The following SLC1A2 variants were observed in gnomAD, a reference collection of about 807,000 sequenced individuals.
The protein encoded by SLC1A2 is excitatory amino acid transporter 2.
In SLC1A2, 15 loss-of-function variants were observed where a neutral mutation model predicts 48.8. The ratio of observed to expected loss-of-function variants is 0.31; its 90% CI spans 0.21 to 0.47. The LOEUF (loss-of-function observed/expected upper bound fraction) is 0.47. Among genes scored for constraint, SLC1A2 ranks in the 20% least tolerant of loss-of-function variants. The pLI is 0.99. For synonymous variants in SLC1A2, 279 were observed against 272.6 expected, an observed-to-expected ratio of 1.02 and a Z score of -0.23; for missense variants, 502 against 730.5, an observed-to-expected ratio of 0.69 and a Z score of 3.61.
intron 1 of SLC1A2, among the ~76,000 whole-genome samples, chr11:35,362,181 T>C (rs1853705709): frequency 6.6e-6 from 1 of 152,192 alleles, no homozygotes; most frequent in African/African-American, 2.4e-5. Flanking sequence ...ATGTTTTGCA[T>C]GTGGCCTGAT....
chr11:35,382,731 G>A (rs945365952), intron 1 of SLC1A2, among the ~76,000 whole-genome samples: 8 of 152,088 alleles, frequency 5.3e-5, no homozygotes, highest in African/African-American at 1.9e-4. Flanking sequence ...AGGAGGCAGA[G>A]GTTGCAGTGA....
At chr11:35,326,985 A>C (rs7102331) in intron 1 of SLC1A2, among the ~76,000 whole-genome samples, 110,743 of 152,126 alleles carry the variant, frequency 0.73, 40,513 homozygotes, top group East Asian at 0.83. Context: ...GGACAGAACC[A>C]TATCTGGAAG....
At chr11:35,373,072 A>C (rs984203220) in intron 1 of SLC1A2, among the ~76,000 whole-genome samples, 3 of 152,202 alleles carry the variant, frequency 2.0e-5, no homozygotes, top group Non-Finnish European at 4.4e-5. Context: ...TGTACAACCC[A>C]GGGATCCACA....
chr11:35,387,201 G>T (rs1377365810), intron 1 of SLC1A2, among the ~76,000 whole-genome samples: 1 of 152,168 alleles, frequency 6.6e-6, no homozygotes, highest in Admixed American at 6.5e-5. Context: ...GTGTGGGAGA[G>T]AATTACCTAA....
At chr11:35,389,116 A>T (rs1443151560) in intron 1 of SLC1A2, among the ~76,000 whole-genome samples, 1 of 151,442 alleles carries the variant, frequency 6.6e-6, no homozygotes, top group Non-Finnish European at 1.5e-5. Flanking sequence ...AAACCTAAAT[A>T]TGTAGATGAC....
chr11:35,346,205 C>T lies in SLC1A2; in HGVS notation c.18-28689G>A, dbSNP rs543127639. ...TATTTCTCCTAATGCTATCCCTCCC[C>T]TAGACCCATGTTCTTAATGCATCTT... On this transcript the variant is annotated intron_variant, in intron 1 of 10. Transcript: ENST00000278379. Among the ~76,000 whole-genome samples, 6 of 152,340 alleles carry T rather than the reference C, an allele frequency of 3.9e-5. No individual in the cohort carries two copies. In the South Asian group the frequency reaches 1.2e-3, roughly 32 times the overall value.
At chr11:35,269,967 C>G (rs1403421486) in intron 9 of SLC1A2, among the ~76,000 whole-genome samples, 1 of 151,854 alleles carries the variant, frequency 6.6e-6, no homozygotes, top group African/African-American at 2.4e-5. Flanking sequence ...ATTAGCCAGG[C>G]GTGGTGGTGC....
intron 6 of SLC1A2, 86 bp downstream of exon 6, chr11:35,301,433 T>C: frequency 7.5e-7 from 1 of 1,334,318 alleles, no homozygotes; most frequent in Non-Finnish European, 1.0e-6. Context: ...ATGCCAACTT[T>C]TTCCTGCAGG....
At chr11:35,334,170 C>G (rs1187584674) in intron 1 of SLC1A2, among the ~76,000 whole-genome samples, 1 of 152,114 alleles carries the variant, frequency 6.6e-6, no homozygotes, top group Non-Finnish European at 1.5e-5. Context: ...CCCTTATTGT[C>G]TCCTTGACAC....
intron 1 of SLC1A2, among the ~76,000 whole-genome samples, chr11:35,387,017 G>T (rs1854603989): frequency 6.6e-6 from 1 of 151,934 alleles, no homozygotes; most frequent in Non-Finnish European, 1.5e-5. Flanking sequence ...CAATCCTCTT[G>T]CCTCAGCCTC....
rs1855705490 is a variant in SLC1A2, at chr11:35,419,184, C to G, written c.-218G>C. ...CCGCGTCCCGGCTCTCCACGGCGCG[C>G]GACCCGCGCTCCCCTCCGCCCGCGG... On this transcript the variant is annotated 5_prime_UTR_variant, in exon 1 of 11. Coordinates refer to ENST00000278379, the MANE Select transcript of SLC1A2 (RefSeq NM_004171.4). The surrounding 1 kb of genome is among the most constrained non-coding windows in gnomAD (Gnocchi z 5.4). 2.0e-5 allele frequency: 9 copies of G among 455,514 alleles called. No homozygotes were observed. The South Asian group carries it at 3.7e-4, about 19-fold the overall frequency. The allele number at this position is 455,514 out of a possible 1,614,324, so 28.2% of individuals were successfully genotyped here.
At chr11:35,376,607 A>T (rs1043221071) in intron 1 of SLC1A2, among the ~76,000 whole-genome samples, 4 of 152,204 alleles carry the variant, frequency 2.6e-5, no homozygotes, top group Non-Finnish European at 5.9e-5. Flanking sequence ...AAAAACCAAC[A>T]TGTTTATCTT....
Position 35,265,558 on chromosome 11 carries a change from G to T in SLC1A2, c.1622C>A (p.Ala541Glu). The change falls in exon 10 of 11, where the codon GCA (alanine) becomes GAA (glutamate). Residue 541 changes from alanine (A) to glutamate (E), a missense_variant. This residue lies in a region of SLC1A2 where 102 missense variants were observed against 107.2 expected (regional missense o/e 0.95). Transcript: ENST00000278379. ...TTCATCTACTATGACAGAGTTGTGTGCAGCATAGACACATTGATTAGAGTT... is the reference window on the plus strand; with the variant it reads ...TTCATCTACTATGACAGAGTTGTGTTCAGCATAGACACATTGATTAGAGTT... The part of the protein sequence containing the change: ...ESNSNQCVYA[A>E]HNSVIVDECK... 6.2e-7 allele frequency: 1 copy of T among 1,601,816 alleles called. No individual in the cohort carries two copies. The highest frequency in any genetic ancestry group is 8.6e-7 in the Non-Finnish European group (1 of 1,168,910).
intron 1 of SLC1A2, among the ~76,000 whole-genome samples, chr11:35,333,827 A>ATTTTTTTTTTTT (rs373988431): frequency 3.6e-4 from 46 of 126,162 alleles, no homozygotes; most frequent in Non-Finnish European, 5.3e-4. Context: ...ATGCCAGCTA[A>ATTTTTTTTTTTT]TTTTTTTTTT....
At position 35,257,103 on chromosome 11, in the gene SLC1A2, G is replaced by A. The variant is rs988782040; in HGVS notation, c.*3791C>T. 3.9e-5 allele frequency: 6 copies of A among 152,174 alleles called. No individual in the cohort carries two copies. Among genetic ancestry groups the A allele is most frequent in the African/African-American group, 1.2e-4 (5 of 41,452 alleles). 9.4% of individuals were successfully genotyped at this position (152,174 alleles called of 1,614,324 possible). A position where few individuals can be genotyped will look rare whatever the true frequency, so the allele number is the denominator to read the frequency against. On this transcript the variant is annotated 3_prime_UTR_variant, in exon 11 of 11. Transcript: ENST00000278379. ...GTTTCCTTTGGTGGACCCAGTAAAT[G>A]AGTTTCCCAACCACTTTGCTCCAAA...
At chr11:35,325,985 A>AG (rs397784673) in intron 1 of SLC1A2, among the ~76,000 whole-genome samples, 1 of 116,054 alleles carries the variant, frequency 8.6e-6, no homozygotes, top group Non-Finnish European at 1.7e-5. Flanking sequence ...AAAAAAAAAA[A>AG]GGAGGGAACA....
chr11:35,382,521 T>C (rs1385833180), intron 1 of SLC1A2, among the ~76,000 whole-genome samples: 4 of 152,134 alleles, frequency 2.6e-5, no homozygotes, highest in Non-Finnish European at 4.4e-5. Context: ...TAAGGCTGGG[T>C]GCGGTGGCTC....
At chr11:35,270,844 A>G (rs1169583358) in intron 9 of SLC1A2, among the ~76,000 whole-genome samples, 1 of 152,254 alleles carries the variant, frequency 6.6e-6, no homozygotes, top group African/African-American at 2.4e-5. Context: ...GTATAGTGAG[A>G]GACGCAGAAA....
rs190196405 is a variant in SLC1A2, at chr11:35,282,676, C to T, written c.1287-1675G>A. On this transcript the variant is annotated intron_variant, in intron 8 of 10. Coordinates refer to ENST00000278379, the MANE Select transcript of SLC1A2 (RefSeq NM_004171.4). ...CCAGGGAAGGGGAACTCCCCAAGTT[C>T]CAACAGTCTTGACCTTGACTGTTTT... is the stretch of plus-strand genomic sequence containing the variant. Among the ~76,000 whole-genome samples, 387 of 152,350 alleles carry T rather than the reference C, an allele frequency of 2.5e-3. 5 individuals carry two copies. The highest frequency in any genetic ancestry group is 0.021 in the Admixed American group (324 of 15,312).
Sources: allele counts gnomAD v4.1 joint callset (sites outside exome capture counted in the v4.1 genomes callset), GRCh38; gene constraint gnomAD v4.1.1; regional missense constraint gnomAD v4.1.1; non-coding constraint Gnocchi (gnomAD v3.1); transcripts MANE v1.5; gene names NCBI Gene and HGNC (gene_info 2026-07-23, HGNC 2026-07-21).